ANXA3: variants seen among roughly 807,000 people sequenced by gnomAD.
ANXA3 encodes annexin A3, also known as 35-alpha calcimedin.
A neutral mutation model predicts 48.8 loss-of-function variants in ANXA3; 46 were observed. The observed-to-expected ratio is 0.94, with a 90% confidence interval of 0.74 to 1.21. The LOEUF is 1.21. Ranked by LOEUF, ANXA3 falls within the 50% of genes most tolerant of loss-of-function variation. The probability of loss-of-function intolerance (pLI) is 0.00; values close to 1 mark genes in which losing one functional copy is unlikely to be tolerated. For synonymous variants in ANXA3, 128 were observed against 134.7 expected, an observed-to-expected ratio of 0.95 and a Z score of 0.35; for missense variants, 383 against 378.6, an observed-to-expected ratio of 1.01 and a Z score of -0.10.
At chr4:78,600,204 G>A (rs1006866958) in intron 10 of ANXA3, among the ~76,000 whole-genome samples, 1 of 152,116 alleles carries the variant, frequency 6.6e-6, no homozygotes, top group Non-Finnish European at 1.5e-5. Context: ...TAGGGAATGG[G>A]CAATTATGAA....
chr4:78,579,183 C>T (rs1723025112), intron 4 of ANXA3, 62 bp downstream of exon 4: 1 of 1,126,140 alleles, frequency 8.9e-7, no homozygotes, highest in African/African-American at 1.5e-5. Context: ...GTCGCTCCCA[C>T]ATGGTTATGC....
At chr4:78,600,159 G>T (rs1297555383) in intron 10 of ANXA3, among the ~76,000 whole-genome samples, 2 of 152,082 alleles carry the variant, frequency 1.3e-5, no homozygotes, top group African/African-American at 4.8e-5. Flanking sequence ...GAGGAGAGAG[G>T]CCTGATGGAA....
chr4:78,576,019 T>C (rs1273105338), intron 3 of ANXA3, among the ~76,000 whole-genome samples: 1 of 152,172 alleles, frequency 6.6e-6, no homozygotes, highest in Non-Finnish European at 1.5e-5. Context: ...CTATGTTTTA[T>C]GCTTCCCTAT....
At chr4:78,573,581 C>A (rs1578394674) in intron 3 of ANXA3, among the ~76,000 whole-genome samples, 1 of 152,056 alleles carries the variant, frequency 6.6e-6, no homozygotes, top group East Asian at 1.9e-4. Flanking sequence ...AAGGATGGGT[C>A]AAAAAATACT....
chr4:78,575,600 C>T (rs1722932525), intron 3 of ANXA3, among the ~76,000 whole-genome samples: 1 of 152,216 alleles, frequency 6.6e-6, no homozygotes, highest in Admixed American at 6.5e-5. Context: ...TCCCCAGCCA[C>T]ATGGAACTGT....
chr4:78,584,833 G>A (rs10452152), intron 5 of ANXA3, among the ~76,000 whole-genome samples: 30 of 152,380 alleles, frequency 2.0e-4, no homozygotes, highest in Middle Eastern at 3.4e-3. Context: ...GGTAGGTGGG[G>A]TGAACCTTCA....
intron 10 of ANXA3, among the ~76,000 whole-genome samples, chr4:78,599,350 C>T (rs541038809): frequency 7.9e-4 from 121 of 152,320 alleles, no homozygotes; most frequent in African/African-American, 2.8e-3. Flanking sequence ...GATTTGCCTA[C>T]TCTGCATATT....
chr4:78,554,525 A>G (rs111641397), intron 2 of ANXA3, 37 bp downstream of exon 2: 1 of 1,602,352 alleles, frequency 6.2e-7, no homozygotes, highest in Non-Finnish European at 8.5e-7. Context: ...ACAGTAACAT[A>G]TATGAGTCAA....
At chr4:78,608,089 T>A (rs967161815) in intron 12 of ANXA3, among the ~76,000 whole-genome samples, 5 of 152,128 alleles carry the variant, frequency 3.3e-5, no homozygotes, top group African/African-American at 1.2e-4. Flanking sequence ...ATCAAATGCA[T>A]ATTATGTGCT....
At chr4:78,593,357 C>T (rs926538084) in intron 7 of ANXA3, among the ~76,000 whole-genome samples, 7 of 151,906 alleles carry the variant, frequency 4.6e-5, no homozygotes, top group African/African-American at 1.7e-4. Flanking sequence ...CACACGCCAC[C>T]ACACCCGGCT....
At chr4:78,595,642 G>C (rs914409361) in intron 8 of ANXA3, 152 bp from the exon 9 acceptor site, 17 of 745,970 alleles carry the variant, frequency 2.3e-5, no homozygotes, top group African/African-American at 3.6e-5. Flanking sequence ...CTTGGCTCCT[G>C]ACAGCCCAAT....
At chr4:78,555,683 A>C (rs1052708210) in intron 2 of ANXA3, among the ~76,000 whole-genome samples, 10 of 151,888 alleles carry the variant, frequency 6.6e-5, no homozygotes, top group Non-Finnish European at 1.2e-4. Flanking sequence ...TTAAAAAAAA[A>C]AAAAAAAAAC....
chr4:78,555,781 G>A (rs1045283249), intron 2 of ANXA3, among the ~76,000 whole-genome samples: 1 of 151,898 alleles, frequency 6.6e-6, no homozygotes, highest in African/African-American at 2.4e-5. Flanking sequence ...AGCCCAAGAG[G>A]TGGAGGCTGC....
intron 7 of ANXA3, among the ~76,000 whole-genome samples, 181 bp downstream of exon 7, chr4:78,591,804 A>G (rs1723303006): frequency 6.6e-6 from 1 of 152,256 alleles, no homozygotes; most frequent in African/African-American, 2.4e-5. Context: ...AGATCATAAA[A>G]GCATACATAA....
chr4:78,554,651 T>A (rs886816885), intron 2 of ANXA3, among the ~76,000 whole-genome samples, 163 bp downstream of exon 2: 2 of 152,194 alleles, frequency 1.3e-5, no homozygotes, highest in African/African-American at 2.4e-5. Flanking sequence ...AAAATATTTT[T>A]AAAAATGCAT....
chr4:78,593,803 ATT>A (rs60515646), intron 7 of ANXA3, among the ~76,000 whole-genome samples: 9,169 of 88,498 alleles, frequency 0.1, 674 homozygotes, highest in East Asian at 0.3. Flanking sequence ...CATTCAGCTA[ATT>A]TTTTTTTTTT....
At position 78,591,625 on chromosome 4, in the gene ANXA3, T is replaced by G. The variant is rs766479554; in HGVS notation, c.483+2T>G. 6.2e-7 allele frequency: 1 copy of G among 1,610,678 alleles called. No homozygotes were observed. Among genetic ancestry groups the G allele is most frequent in the East Asian group, 2.2e-5 (1 of 44,834 alleles). ...AAAGCTCTGTTGACTTTGGCAGATG[T>G]AAGGTTTTATTTTTTATTTTTTAAC... On this transcript the variant is annotated splice_donor_variant, in intron 7 of 12. Coordinates refer to ENST00000264908, the MANE Select transcript of ANXA3 (RefSeq NM_005139.3). LOFTEE classifies it high-confidence loss of function.
At chr4:78,600,046 G>A (rs12647801) in intron 10 of ANXA3, among the ~76,000 whole-genome samples, 1 of 152,076 alleles carries the variant, frequency 6.6e-6, no homozygotes, top group Admixed American at 6.5e-5. Flanking sequence ...AACACGTCTG[G>A]CAGTGGACAG....
chr4:78,565,409 G>A (rs1181350033), intron 2 of ANXA3, among the ~76,000 whole-genome samples: 1 of 152,230 alleles, frequency 6.6e-6, no homozygotes, highest in African/African-American at 2.4e-5. Context: ...AGTTGGACAA[G>A]AGCAGGAGCA....
Sources: allele counts gnomAD v4.1 joint callset (sites outside exome capture counted in the v4.1 genomes callset), GRCh38; gene constraint gnomAD v4.1.1; transcripts MANE v1.5; gene names NCBI Gene and HGNC (gene_info 2026-07-23, HGNC 2026-07-21).